The following CDH23 variants were observed in gnomAD, a reference collection of about 807,000 sequenced individuals.
CDH23 encodes cadherin related 23.
Under a neutral mutation model 317.1 loss-of-function variants are expected in CDH23, and 189 were observed. That is an observed-to-expected ratio of 0.60 (90% CI 0.53 to 0.67). The LOEUF (loss-of-function observed/expected upper bound fraction) is 0.67. Ranked by LOEUF, CDH23 falls within the 30% of genes least tolerant of loss-of-function variation. The pLI is 0.00. For missense variants in CDH23, 4,401 were observed against 4,592.4 expected, an observed-to-expected ratio of 0.96 and a Z score of 1.20; for synonymous variants, 1,839 against 1,876.8, an observed-to-expected ratio of 0.98 and a Z score of 0.52.
chr10:71,556,721 T>C (rs1276110477), intron 6 of CDH23, among the ~76,000 whole-genome samples: 2 of 152,222 alleles, frequency 1.3e-5, no homozygotes, highest in Non-Finnish European at 2.9e-5. Flanking sequence ...ATAGTACAGC[T>C]CAGCTTATAA....
chr10:71,499,858 T>A (rs937201469), intron 3 of CDH23, among the ~76,000 whole-genome samples: 1 of 143,040 alleles, frequency 7.0e-6, no homozygotes, highest in Non-Finnish European at 1.5e-5. Flanking sequence ...ACAAAACAAA[T>A]AAACAAAAAC....
chr10:71,807,909 T>A lies in CDH23; in HGVS notation c.8624T>A (p.Ile2875Asn). 1.2e-6 allele frequency: 2 copies of A among 1,604,580 alleles called. No individual in the cohort carries two copies. Among genetic ancestry groups the A allele is most frequent in the Non-Finnish European group, 1.7e-6 (2 of 1,175,648 alleles). Residue 2875 changes from isoleucine to asparagine, a missense_variant, in exon 60 of 70, where the codon ATT becomes AAT. By Grantham distance (149) the Ile-to-Asn change is moderately radical. Transcript: ENST00000224721. ...LIQVLALDAD[I>N]GNNSLVFYSI... is the part of the protein sequence containing the mutation. The stretch of plus-strand genomic sequence containing the variant: ...CAGGTGCTGGCCCTGGATGCAGACA[T>A]TGGCAACAACAGCCTTGTCTTCTAC...
intron 6 of CDH23, among the ~76,000 whole-genome samples, chr10:71,535,062 A>G (rs1855621334): frequency 6.6e-6 from 1 of 152,206 alleles, no homozygotes; most frequent in Admixed American, 6.5e-5. Context: ...TCAGGGAAGC[A>G]TGGCTGACTG....
chr10:71,471,596 T>C (rs1199101729), intron 3 of CDH23, among the ~76,000 whole-genome samples: 1 of 152,106 alleles, frequency 6.6e-6, no homozygotes, highest in Non-Finnish European at 1.5e-5. Context: ...TGGACCCAGC[T>C]GAGCCCTGGA....
chr10:71,424,175 C>G lies in CDH23; in HGVS notation c.-5-15652C>G, dbSNP rs149645896. On this transcript the variant is annotated intron_variant, in intron 1 of 69. Coordinates refer to ENST00000224721, the MANE Select transcript of CDH23 (RefSeq NM_022124.6). ...TGCCTCCGTCAGCATAGAGAGGAAA[C>G]TGAGGCTAAGCAGGGATTTGAAACT... is the stretch of plus-strand genomic sequence containing the variant. Among the ~76,000 whole-genome samples the G allele has an allele frequency of 2.0e-5, 3 of 152,368 alleles. No homozygotes were observed. In the East Asian group the frequency reaches 5.8e-4, roughly 29 times the overall value.
Position 71,483,286 on chromosome 10 carries a change from C to T in CDH23, c.146-26796C>T, listed in dbSNP as rs529305510. Among the ~76,000 whole-genome samples the T allele has an allele frequency of 5.3e-5, 8 of 152,348 alleles. No homozygotes were observed. In the East Asian group the frequency reaches 1.4e-3, roughly 26 times the overall value. On this transcript the variant is annotated intron_variant, in intron 3 of 69. Coordinates refer to ENST00000224721, the MANE Select transcript of CDH23 (RefSeq NM_022124.6). ...TCACTTACCTATCCAGCATGGGACACCCAAGCCCACAAGAGGCTGGTGGGG... is the reference window on the plus strand; with the variant it reads ...TCACTTACCTATCCAGCATGGGACATCCAAGCCCACAAGAGGCTGGTGGGG...
At chr10:71,729,245 T>G (rs1866952307) in intron 30 of CDH23, among the ~76,000 whole-genome samples, 1 of 152,132 alleles carries the variant, frequency 6.6e-6, no homozygotes, top group Non-Finnish European at 1.5e-5. Context: ...ATTGCACAAT[T>G]CAGAAACAGC....
intron 6 of CDH23, among the ~76,000 whole-genome samples, chr10:71,515,129 A>T (rs4623816): frequency 1.3e-5 from 2 of 152,098 alleles, no homozygotes; most frequent in Non-Finnish European, 1.5e-5. Flanking sequence ...GTGGTGCCAG[A>T]TGGCTCACTG....
intron 6 of CDH23, among the ~76,000 whole-genome samples, chr10:71,532,450 G>A (rs1335038746): frequency 6.6e-6 from 1 of 152,174 alleles, no homozygotes; most frequent in East Asian, 1.9e-4. Context: ...GGGGTGGAGG[G>A]GAGCTGGTGG....
chr10:71,809,603 G>A (rs544553983), intron 60 of CDH23, among the ~76,000 whole-genome samples: 20 of 152,240 alleles, frequency 1.3e-4, no homozygotes, highest in African/African-American at 4.1e-4. Flanking sequence ...CTTGTCATCC[G>A]CACTCCCCTG....
chr10:71,639,015 C>A (rs536044366), intron 11 of CDH23, among the ~76,000 whole-genome samples: 2 of 152,148 alleles, frequency 1.3e-5, no homozygotes, highest in African/African-American at 4.8e-5. Context: ...GGGGAGGGAC[C>A]GGCAGGGAGC....
chr10:71,709,196 A>T lies in CDH23; in HGVS notation c.3205A>T (p.Ile1069Phe). The T allele has an allele frequency of 6.2e-7, 1 of 1,613,674 alleles. No individual in the cohort carries two copies. Among genetic ancestry groups the T allele is most frequent in the Non-Finnish European group, 8.5e-7 (1 of 1,179,632 alleles). The change falls in exon 27 of 70, where the codon ATC (isoleucine) becomes TTC (phenylalanine). Residue 1069 changes from isoleucine to phenylalanine, a missense_variant. Around this residue, in one of 3 missense-constraint regions of CDH23, gnomAD observed 3,068 missense variants for 3,203.3 expected, o/e 0.96. Coordinates refer to ENST00000224721, the MANE Select transcript of CDH23 (RefSeq NM_022124.6). ...DRETTAAYMLILEAIDNGPVG... is the reference protein window; with the variant it reads ...DRETTAAYMLFLEAIDNGPVG... Reference sequence around the variant, plus strand: ...GGAGACCACAGCCGCCTACATGCTCATCCTGGAGGCCATCGGTATGCACCA... The same window carrying T: ...GGAGACCACAGCCGCCTACATGCTCTTCCTGGAGGCCATCGGTATGCACCA...
At chr10:71,666,464 C>T (rs56380861) in intron 14 of CDH23, among the ~76,000 whole-genome samples, 5,401 of 152,252 alleles carry the variant, frequency 0.035, 142 homozygotes, top group South Asian at 0.079. Context: ...CATAAAGGCA[C>T]TCAGAGAGCA....
At chr10:71,807,217 G>C (rs1424087195) in intron 57 of CDH23, 60 bp from the exon 58 acceptor site, 1 of 1,592,676 alleles carries the variant, frequency 6.3e-7, no homozygotes, top group African/African-American at 1.3e-5. Flanking sequence ...CCCTGAAACA[G>C]GGACTGGAAG....
chr10:71,578,045 G>C lies in CDH23; in HGVS notation c.832+53G>C, dbSNP rs147143162. On this transcript the variant is annotated intron_variant, in intron 9 of 69. Coordinates refer to ENST00000224721, the MANE Select transcript of CDH23 (RefSeq NM_022124.6). Reference sequence around the variant, plus strand: ...TCTCACCCCTCTGTCCTCCACCCAAGGAGAGCCAGTAGGCATCTCAGGCTC... The same window carrying C: ...TCTCACCCCTCTGTCCTCCACCCAACGAGAGCCAGTAGGCATCTCAGGCTC... 35 of 1,518,848 alleles carry C rather than the reference G, an allele frequency of 2.3e-5. No homozygotes were observed. In the African/African-American group the frequency reaches 3.7e-4, roughly 16 times the overall value. The allele number at this position is 1,518,848 out of a possible 1,614,324, so 94.1% of individuals were successfully genotyped here. A position where few individuals can be genotyped will look rare whatever the true frequency, so the allele number is the denominator to read the frequency against.
In CDH23 at chr10:71,709,188, A is replaced by G; in HGVS notation, c.3197A>G (p.Tyr1066Cys). 3 of 1,613,908 alleles carry G rather than the reference A, an allele frequency of 1.9e-6. No homozygotes were observed. The highest frequency in any genetic ancestry group is 2.5e-6 in the Non-Finnish European group (3 of 1,179,846). ...VGLDRETTAA[Y>C]MLILEAIDNG... is the part of the protein sequence containing the mutation. ...CTGGACCGGGAGACCACAGCCGCCT[A>G]CATGCTCATCCTGGAGGCCATCGGT... Residue 1066 changes from tyrosine (Y) to cysteine (C), a missense_variant, in exon 27 of 70, where the codon TAC becomes TGC. Tyr to Cys is a radical substitution (Grantham distance 194). Transcript: ENST00000224721.
intron 1 of CDH23, among the ~76,000 whole-genome samples, chr10:71,404,444 C>T (rs201637626): frequency 5.9e-5 from 9 of 152,354 alleles, no homozygotes; most frequent in South Asian, 2.1e-4. Flanking sequence ...TATTCATTTC[C>T]GATACCCCCT....
chr10:71,795,817 C>T (rs1013166914), intron 48 of CDH23: 2 of 987,550 alleles, frequency 2.0e-6, no homozygotes, highest in African/African-American at 1.7e-5. Flanking sequence ...TTCTCTCTTC[C>T]TCATGGCTGG....
In CDH23 at chr10:71,774,051, GCACACACA is replaced by G. The variant is rs57159718; in HGVS notation, c.4846-3598_4846-3591del. Among the ~76,000 whole-genome samples, 534 of 88,548 alleles carry G rather than the reference GCACACACA, an allele frequency of 6.0e-3. 1 individual carries two copies. The highest frequency in any genetic ancestry group is 0.012 in the Non-Finnish European group (406 of 34,930). 58.1% of individuals were successfully genotyped at this position (88,548 alleles called of 152,430 possible). A position where few individuals can be genotyped will look rare whatever the true frequency, so the allele number is the denominator to read the frequency against. On this transcript the variant is annotated intron_variant, in intron 38 of 69. Coordinates refer to ENST00000224721, the MANE Select transcript of CDH23 (RefSeq NM_022124.6). ...AGGCACCCTGAGTGCATGCGCGCGCGCACACACACACACACACACACACACACACACAC... is the reference window on the plus strand; with the variant it reads ...AGGCACCCTGAGTGCATGCGCGCGCGCACACACACACACACACACACACAC...
Sources: gnomAD v4.1 joint callset for allele counts (sites outside exome capture counted in the v4.1 genomes callset) on GRCh38, gnomAD v4.1.1 for gene constraint, gnomAD v4.1.1 regional missense constraint, MANE v1.5 for transcripts, NCBI Gene and HGNC (gene_info 2026-07-23, HGNC 2026-07-21) for gene names.